The following NCMAP variants were observed in gnomAD, a reference collection of about 807,000 sequenced individuals.
NCMAP encodes noncompact myelin-associated protein.
NCMAP carries 8 observed loss-of-function variants against 7.8 expected under a neutral mutation model. The ratio of observed to expected loss-of-function variants is 1.02; its 90% CI spans 0.60 to 1.84. The LOEUF is 1.84. NCMAP is among the 40% of genes most tolerant of loss of function. NCMAP has a pLI of 0.00. For missense variants in NCMAP, 112 were observed against 131.4 expected (o/e 0.85, Z 0.72); for synonymous variants, 41 against 52.9 (o/e 0.78, Z 0.98).
At chr1:24,598,619 T>C (rs891947316) in intron 2 of NCMAP, among the ~76,000 whole-genome samples, 1 of 151,440 alleles carries the variant, frequency 6.6e-6, no homozygotes, top group East Asian at 1.9e-4. Flanking sequence ...CTATTTTCTT[T>C]TCTTTTCTTT....
At chr1:24,565,224 T>A (rs12079237) in intron 1 of NCMAP, among the ~76,000 whole-genome samples, 19,543 of 150,984 alleles carry the variant, frequency 0.13, 1,793 homozygotes, top group African/African-American at 0.26. Flanking sequence ...AGCTACAGCA[T>A]CTGCCATAAC....
At position 24,576,893 on chromosome 1, in the gene NCMAP, T is replaced by G. The variant is rs1391612854; in HGVS notation, c.-7-18531T>G. Among the ~76,000 whole-genome samples the G allele has an allele frequency of 6.6e-6, 1 of 152,056 alleles. No individual in the cohort carries two copies. Among genetic ancestry groups the G allele is most frequent in the African/African-American group, 2.4e-5 (1 of 41,404 alleles). ...CTGTAATCCCAGCACTTTGGGAGGC[T>G]GAGGCAGGTGGATCACCTGAGGTCA... is the stretch of plus-strand genomic sequence containing the variant. On this transcript the variant is annotated intron_variant, in intron 1 of 3. Transcript: ENST00000374392. This position sits in a 1 kb window ranked among gnomAD's most constrained non-coding sequence, Gnocchi z 4.0.
chr1:24,566,684 C>T (rs1233734731), intron 1 of NCMAP, among the ~76,000 whole-genome samples: 1 of 152,208 alleles, frequency 6.6e-6, no homozygotes, highest in East Asian at 1.9e-4. Context: ...ATTCCTTCAA[C>T]AAGTGGCTCC....
intron 3 of NCMAP, among the ~76,000 whole-genome samples, chr1:24,603,552 G>C (rs1223807897): frequency 6.6e-6 from 1 of 152,182 alleles, no homozygotes; most frequent in Non-Finnish European, 1.5e-5. Flanking sequence ...GAGCTGGGAA[G>C]TGAGAAACCT....
At chr1:24,578,721 C>G (rs979711438) in intron 1 of NCMAP, among the ~76,000 whole-genome samples, 2 of 151,808 alleles carry the variant, frequency 1.3e-5, no homozygotes, top group African/African-American at 4.8e-5. Context: ...TGCTACCATG[C>G]CCAGCAAATT....
chr1:24,592,670 G>A (rs1344224349), intron 1 of NCMAP, among the ~76,000 whole-genome samples: 1 of 152,130 alleles, frequency 6.6e-6, no homozygotes, highest in Non-Finnish European at 1.5e-5. Context: ...TGTAATCCCA[G>A]CATTTTGGGA....
intron 1 of NCMAP, among the ~76,000 whole-genome samples, chr1:24,559,682 G>A (rs2148923984): frequency 6.6e-6 from 1 of 152,278 alleles, no homozygotes; most frequent in East Asian, 1.9e-4. Context: ...GAACTGTGGG[G>A]GCCCTTGCGG....
At chr1:24,582,037 T>A (rs1426510838) in intron 1 of NCMAP, among the ~76,000 whole-genome samples, 2 of 152,158 alleles carry the variant, frequency 1.3e-5, no homozygotes, top group East Asian at 3.9e-4. Flanking sequence ...GCCTGCCCAG[T>A]TGCCTCTTGA....
intron 3 of NCMAP, among the ~76,000 whole-genome samples, chr1:24,604,599 AAAAAAAATATATATAT>A (rs1652634049): frequency 3.3e-5 from 2 of 60,880 alleles, no homozygotes; most frequent in African/African-American, 1.1e-4. Context: ...AAAAAAAAAA[AAAAAAAATATATATAT>A]ATATATATAT....
At chr1:24,580,536 C>T (rs1011913064) in intron 1 of NCMAP, among the ~76,000 whole-genome samples, 9 of 152,268 alleles carry the variant, frequency 5.9e-5, no homozygotes, top group Middle Eastern at 3.4e-3. Flanking sequence ...CTGCAACCTC[C>T]GCCTCACAGG....
In NCMAP at chr1:24,605,952, C is replaced by G; in HGVS notation, c.*205C>G. 1 of 562,010 alleles carries G rather than the reference C, an allele frequency of 1.8e-6. No homozygotes were observed. Among genetic ancestry groups the G allele is most frequent in the Non-Finnish European group, 3.1e-6 (1 of 324,926 alleles). 34.8% of individuals were successfully genotyped at this position (562,010 alleles called of 1,614,324 possible). A position where few individuals can be genotyped will look rare whatever the true frequency, so the allele number is the denominator to read the frequency against. ...ACTGTGTCCACATCCCTGCCGCCAC[C>G]CCACCAAAAAGCTGCAGAACATTCT... On this transcript the variant is annotated 3_prime_UTR_variant, in exon 4 of 4. Coordinates refer to ENST00000374392, the MANE Select transcript of NCMAP (RefSeq NM_001010980.5).
In NCMAP at chr1:24,595,462, C is replaced by A. The variant is rs200084084; in HGVS notation, c.32C>A (p.Thr11Asn). Residue 11 changes from threonine (T) to asparagine (N), a missense_variant, in exon 2 of 4, where the codon ACC becomes AAC. Physicochemically the swap from Thr to Asn is moderately conservative, Grantham distance 65. Transcript: ENST00000374392. Reference sequence around the variant, plus strand: ...ACAGCCACCCCTCTGGGGGATACCACCTTCTTCTCACTGAACATGACCACC... The same window carrying A: ...ACAGCCACCCCTCTGGGGGATACCAACTTCTTCTCACTGAACATGACCACC... MTTATPLGDT[T>N]FFSLNMTTRG... is the part of the protein sequence containing the mutation. 18 of 1,614,050 alleles carry A rather than the reference C, an allele frequency of 1.1e-5. No individual in the cohort carries two copies. In the Admixed American group the frequency reaches 2.5e-4, roughly 22 times the overall value.
intron 1 of NCMAP, among the ~76,000 whole-genome samples, chr1:24,569,651 TCTGGGCCTCAGTTTCTCTAC>T (rs780951162): frequency 1.9e-4 from 29 of 150,838 alleles, no homozygotes; most frequent in Admixed American, 3.9e-4. Flanking sequence ...ACTTAGTCTC[TCTGGGCCTCAGTTTCTCTAC>T]CTGTAAAATG....
chr1:24,559,525 A>C (rs1650990068), intron 1 of NCMAP, among the ~76,000 whole-genome samples: 1 of 152,134 alleles, frequency 6.6e-6, no homozygotes, highest in African/African-American at 2.4e-5. Context: ...GGACCTTCTC[A>C]TGTGGTTTGA....
intron 2 of NCMAP, among the ~76,000 whole-genome samples, chr1:24,597,525 G>GGGGA (rs1652270599): frequency 1.5e-5 from 1 of 68,214 alleles, no homozygotes; most frequent in Non-Finnish European, 3.1e-5. Flanking sequence ...AGGAAGGGGG[G>GGGGA]GGGGGAGGGG....
At chr1:24,581,184 T>G (rs1461592666) in intron 1 of NCMAP, among the ~76,000 whole-genome samples, 1 of 151,926 alleles carries the variant, frequency 6.6e-6, no homozygotes, top group Non-Finnish European at 1.5e-5. Context: ...TGGTGCTATT[T>G]TGGCTCACTG....
chr1:24,576,239 G>C lies in NCMAP; in HGVS notation c.-7-19185G>C, dbSNP rs1036105085. Among the ~76,000 whole-genome samples, 5 of 152,200 alleles carry C rather than the reference G, an allele frequency of 3.3e-5. No homozygotes were observed. The highest frequency in any genetic ancestry group is 1.2e-4 in the African/African-American group (5 of 41,450). On this transcript the variant is annotated intron_variant, in intron 1 of 3. Coordinates refer to ENST00000374392, the MANE Select transcript of NCMAP (RefSeq NM_001010980.5). The surrounding 1 kb of genome is among the most constrained non-coding windows in gnomAD (Gnocchi z 4.0). Reference sequence around the variant, plus strand: ...CCACATCCCACCTCCTGACAAAGCTGGGGGCTGGCACTGCTGCTTGAGAGG... The same window carrying C: ...CCACATCCCACCTCCTGACAAAGCTCGGGGCTGGCACTGCTGCTTGAGAGG...
At chr1:24,560,109 C>T (rs532305721) in intron 1 of NCMAP, among the ~76,000 whole-genome samples, 5 of 141,886 alleles carry the variant, frequency 3.5e-5, no homozygotes, top group East Asian at 2.1e-4. Flanking sequence ...TGGAGTGAGC[C>T]GAGATGGCAC....
At chr1:24,590,514 T>C (rs941844026) in intron 1 of NCMAP, among the ~76,000 whole-genome samples, 3 of 152,164 alleles carry the variant, frequency 2.0e-5, no homozygotes, top group African/African-American at 7.2e-5. Context: ...GGCCGGCATC[T>C]CCCCTTGAGA....
Sources: gnomAD v4.1 joint callset for allele counts (sites outside exome capture counted in the v4.1 genomes callset) on GRCh38, gnomAD v4.1.1 for gene constraint, Gnocchi (gnomAD v3.1) non-coding constraint, MANE v1.5 for transcripts, NCBI Gene and HGNC (gene_info 2026-07-23, HGNC 2026-07-21) for gene names.